USP9Y: variants seen among roughly 807,000 people sequenced by gnomAD.
The protein encoded by USP9Y is ubiquitin carboxyl-terminal hydrolase 9Y.
Under a neutral mutation model 53.1 loss-of-function variants are expected in USP9Y, and 41 were observed. That is an observed-to-expected ratio of 0.77 (90% CI 0.60 to 1.00). The LOEUF is 1.00. Ranked by LOEUF, USP9Y falls within the 50% of genes least tolerant of loss-of-function variation. The pLI, the probability that USP9Y is intolerant of heterozygous loss-of-function variation, is 0.00. For missense variants in USP9Y, 567 were observed against 535.8 expected, an observed-to-expected ratio of 1.06 and a Z score of -0.58; for synonymous variants, 220 against 173.7, an observed-to-expected ratio of 1.27 and a Z score of -2.09.
At chrY:12,720,480 A>T in intron 3 of USP9Y, 109 bp from the exon 4 acceptor site, 1 of 208,404 alleles carries the variant, frequency 4.8e-6, no homozygotes, top group South Asian at 4.3e-5. Context: ...AAAGATAAAC[A>T]TTGTGACCCT....
intron 12 of USP9Y, among the ~76,000 whole-genome samples, chrY:12,752,587 T>C: frequency 3.0e-5 from 1 of 33,016 alleles, no homozygotes; most frequent in Non-Finnish European, 7.4e-5. Context: ...CTTGCCTCAT[T>C]ATGTTGGTTA....
chrY:12,728,104 C>T (rs2053444354), intron 7 of USP9Y, among the ~76,000 whole-genome samples: 1 of 33,057 alleles, frequency 3.0e-5, no homozygotes. Context: ...AAAGCTTTTT[C>T]GGCATTGATG....
At chrY:12,825,792 A>G in intron 33 of USP9Y, among the ~76,000 whole-genome samples, 6 of 33,782 alleles carry the variant, frequency 1.8e-4, no homozygotes, top group Non-Finnish European at 7.3e-5. Context: ...TGAAGGAAAT[A>G]GAGTAACACC....
intron 24 of USP9Y, among the ~76,000 whole-genome samples, chrY:12,788,814 G>A: frequency 3.8e-5 from 1 of 26,088 alleles, no homozygotes; most frequent in East Asian, 1.0e-3. Flanking sequence ...TCTGCCTCTT[G>A]GGTTCAAGTG....
chrY:12,734,306 T>C, intron 7 of USP9Y, among the ~76,000 whole-genome samples: 1 of 33,913 alleles, frequency 2.9e-5, no homozygotes, highest in South Asian at 6.6e-4. Context: ...ATTCCTCCAG[T>C]TCATACAGAA....
chrY:12,723,394 A>AT (rs1603196153), intron 5 of USP9Y, among the ~76,000 whole-genome samples: 17 of 22,867 alleles, frequency 7.4e-4, no homozygotes, highest in South Asian at 3.0e-3. Flanking sequence ...ATTTTATTTT[A>AT]TTTTTTTTTT....
intron 7 of USP9Y, among the ~76,000 whole-genome samples, chrY:12,731,669 A>AT (rs2053447223): frequency 6.1e-5 from 2 of 32,573 alleles, no homozygotes; most frequent in African/African-American, 2.4e-4. Context: ...AGATTTGGTA[A>AT]TTTTTTTTTA....
chrY:12,723,698 A>AT (rs2053438697), intron 5 of USP9Y, among the ~76,000 whole-genome samples: 1 of 32,872 alleles, frequency 3.0e-5, no homozygotes. Flanking sequence ...AATACTGTGT[A>AT]TTTTTTTAAG....
chrY:12,782,165 G>T, intron 22 of USP9Y, among the ~76,000 whole-genome samples: 1 of 32,743 alleles, frequency 3.1e-5, no homozygotes, highest in Non-Finnish European at 7.5e-5. Context: ...GAGTGGCTGG[G>T]ATTACAGGTG....
At chrY:12,709,887 G>C in intron 3 of USP9Y, among the ~76,000 whole-genome samples, 1 of 31,071 alleles carries the variant, frequency 3.2e-5, no homozygotes, top group Non-Finnish European at 7.7e-5. Context: ...CAAGACTGCA[G>C]TGAGCTATGA....
At chrY:12,746,454 C>T (rs2053460629) in intron 12 of USP9Y, among the ~76,000 whole-genome samples, 1 of 33,076 alleles carries the variant, frequency 3.0e-5, no homozygotes. Flanking sequence ...GCTTTTATTT[C>T]AATATTTAAT....
intron 15 of USP9Y, among the ~76,000 whole-genome samples, chrY:12,768,443 G>C (rs2053482150): frequency 3.4e-5 from 1 of 29,096 alleles, no homozygotes; most frequent in Non-Finnish European, 8.1e-5. Flanking sequence ...TGAGTAGCTG[G>C]GATTAGGTGC....
At chrY:12,796,866 C>G (rs765472324) in intron 27 of USP9Y, among the ~76,000 whole-genome samples, 1 of 33,203 alleles carries the variant, frequency 3.0e-5, no homozygotes, top group Admixed American at 2.7e-4. Context: ...CTTACTGCAA[C>G]CTGTTTCATC....
At chrY:12,846,191 G>A in intron 39 of USP9Y, 142 bp from the exon 40 acceptor site, 1 of 168,139 alleles carries the variant, frequency 5.9e-6, no homozygotes, top group Non-Finnish European at 1.0e-5. Flanking sequence ...CATTCTGCCT[G>A]TATTGTTTCT....
chrY:12,839,903 C>G lies in USP9Y; in HGVS notation c.5377C>G (p.Arg1793Gly). Residue 1793 changes from arginine to glycine, a missense_variant, in exon 36 of 46, where the codon CGG (arginine) becomes GGG (glycine). Coordinates refer to ENST00000338981, the MANE Select transcript of USP9Y (RefSeq NM_004654.4). ...VKRLLIKKLPRVLAIQLKRFD... is the reference protein window; with the variant it reads ...VKRLLIKKLPGVLAIQLKRFD... ...GCGCCTGCTAATTAAAAAATTGCCTCGGGTTCTTGCTATCCAACTCAAACG... is the reference window on the plus strand; with the variant it reads ...GCGCCTGCTAATTAAAAAATTGCCTGGGGTTCTTGCTATCCAACTCAAACG... The G allele has an allele frequency of 2.5e-6, 1 of 398,106 alleles. No homozygotes were observed. Among genetic ancestry groups the G allele is most frequent in the Non-Finnish European group, 3.5e-6 (1 of 283,182 alleles).
intron 3 of USP9Y, among the ~76,000 whole-genome samples, chrY:12,716,692 C>T: frequency 3.0e-5 from 1 of 33,710 alleles, no homozygotes; most frequent in Non-Finnish European, 7.3e-5. Context: ...GAAGCTCCGC[C>T]TCCTGGGTTC....
chrY:12,836,306 T>C (rs2148291520), intron 34 of USP9Y, among the ~76,000 whole-genome samples: 3 of 33,747 alleles, frequency 8.9e-5, no homozygotes, highest in Admixed American at 2.8e-4. Flanking sequence ...TTAATTCTTA[T>C]TTTTACCTCG....
At chrY:12,814,384 C>T in intron 31 of USP9Y, among the ~76,000 whole-genome samples, 3 of 26,081 alleles carry the variant, frequency 1.2e-4, no homozygotes, top group Non-Finnish European at 2.7e-4. Flanking sequence ...AAAAATTAGC[C>T]GGGCGTAGTG....
At chrY:12,857,219 G>A in intron 44 of USP9Y, 1 of 66,530 alleles carries the variant, frequency 1.5e-5, no homozygotes, top group Non-Finnish European at 3.1e-5. Context: ...AAATTCTTCT[G>A]CCTCAGCCTC....
Sources: allele counts gnomAD v4.1 joint callset (sites outside exome capture counted in the v4.1 genomes callset), GRCh38; gene constraint gnomAD v4.1.1; transcripts MANE v1.5; gene names NCBI Gene and HGNC (gene_info 2026-07-23, HGNC 2026-07-21).